ATP8B1: variants seen among roughly 807,000 people sequenced by gnomAD.
The protein encoded by ATP8B1 is phospholipid-transporting ATPase IC.
A neutral mutation model predicts 149.9 loss-of-function variants in ATP8B1; 80 were observed. The observed-to-expected ratio is 0.53, with a 90% CI of 0.45 to 0.64. ATP8B1 has a LOEUF of 0.64. ATP8B1 is among the 30% of genes least tolerant of loss of function. The pLI, the probability that ATP8B1 is intolerant of heterozygous loss-of-function variation, is 0.00. For missense variants in ATP8B1, 1,247 were observed against 1,552.6 expected (o/e 0.80, Z 3.31); for synonymous variants, 536 against 562.8 (o/e 0.95, Z 0.67).
At chr18:57,754,464 T>A (rs934832332) in intron 1 of ATP8B1, among the ~76,000 whole-genome samples, 6 of 150,962 alleles carry the variant, frequency 4.0e-5, no homozygotes, top group East Asian at 1.9e-4. Context: ...ATATATATAT[T>A]ATGAAGTAAT....
chr18:57,668,714 T>C (rs751280826), intron 18 of ATP8B1, 174 bp from the exon 19 acceptor site: 10 of 574,710 alleles, frequency 1.7e-5, no homozygotes, highest in African/African-American at 1.7e-4. Context: ...TCACAATTAC[T>C]GCAAACCAAC....
chr18:57,672,995 G>GTATA lies in ATP8B1; in HGVS notation c.1820-1419_1820-1416dup, dbSNP rs57894241. ...TATATACACACATATATAAATACAT[G>GTATA]TATATATAAATATACATATATAAAT... On this transcript the variant is annotated intron_variant, in intron 16 of 27. Transcript: ENST00000648908. Among the ~76,000 whole-genome samples the GTATA allele has an allele frequency of 1.5e-4, 15 of 98,462 alleles. 2 individuals carry two copies. Among genetic ancestry groups the GTATA allele is most frequent in the East Asian group, 5.5e-4 (2 of 3,606 alleles). 64.6% of individuals were successfully genotyped at this position (98,462 alleles called of 152,430 possible).
chr18:57,798,840 G>A (rs923953174), intron 1 of ATP8B1, among the ~76,000 whole-genome samples: 5 of 104,380 alleles, frequency 4.8e-5, no homozygotes, highest in African/African-American at 1.1e-4. Flanking sequence ...AGTGTAGATC[G>A]GAGACTTAGA....
chr18:57,736,860 T>C (rs1272324238), intron 1 of ATP8B1, among the ~76,000 whole-genome samples: 4 of 152,172 alleles, frequency 2.6e-5, no homozygotes, highest in Non-Finnish European at 5.9e-5. Flanking sequence ...TTCTGTTCCA[T>C]TGGTTTATGT....
chr18:57,684,981 A>T, intron 14 of ATP8B1, 91 bp downstream of exon 14: 1 of 1,500,066 alleles, frequency 6.7e-7, no homozygotes, highest in East Asian at 2.3e-5. Flanking sequence ...GCAACGAAAG[A>T]GTCTTCCCTA....
At chr18:57,757,468 C>G (rs1236332695) in intron 1 of ATP8B1, among the ~76,000 whole-genome samples, 2 of 152,154 alleles carry the variant, frequency 1.3e-5, no homozygotes, top group East Asian at 3.8e-4. Context: ...GCTTCTTGGT[C>G]CTGGTCCTTT....
Position 57,713,728 on chromosome 18 carries a change from G to A in ATP8B1, c.182-7141C>T, listed in dbSNP as rs911264076. Reference sequence around the variant, plus strand: ...CAGTCTTGAACTCCTGACCTCAAGTGTTCCACCCACCTTGACCTCCCAACA... The same window carrying A: ...CAGTCTTGAACTCCTGACCTCAAGTATTCCACCCACCTTGACCTCCCAACA... On this transcript the variant is annotated intron_variant, in intron 2 of 27. Transcript: ENST00000648908. Among the ~76,000 whole-genome samples, 3 of 152,114 alleles carry A rather than the reference G, an allele frequency of 2.0e-5. No individual in the cohort carries two copies. The South Asian group carries it at 6.2e-4, about 32-fold the overall frequency.
intron 1 of ATP8B1, among the ~76,000 whole-genome samples, chr18:57,767,112 A>G (rs781265392): frequency 2.0e-5 from 3 of 152,186 alleles, no homozygotes; most frequent in Non-Finnish European, 2.9e-5. Flanking sequence ...TTGGAATCCT[A>G]CAGTTTATCC....
intron 1 of ATP8B1, among the ~76,000 whole-genome samples, chr18:57,795,326 C>T (rs1473676345): frequency 6.6e-6 from 1 of 151,562 alleles, no homozygotes; most frequent in Non-Finnish European, 1.5e-5. Context: ...TGGCTTGAGC[C>T]CAGGAGTTCA....
intron 1 of ATP8B1, among the ~76,000 whole-genome samples, chr18:57,794,752 T>C (rs1384852875): frequency 1.3e-5 from 2 of 150,368 alleles, no homozygotes; most frequent in East Asian, 2.0e-4. Flanking sequence ...GATTGCACCA[T>C]TGCACTCCAG....
At chr18:57,800,350 A>T (rs8091381) in intron 1 of ATP8B1, among the ~76,000 whole-genome samples, 46,110 of 151,976 alleles carry the variant, frequency 0.3, 7,381 homozygotes, top group African/African-American at 0.39. Flanking sequence ...TTTATAAAAA[A>T]TTTTAAAAAA....
intron 2 of ATP8B1, among the ~76,000 whole-genome samples, chr18:57,719,573 T>A (rs1422655639): frequency 1.3e-5 from 2 of 152,138 alleles, no homozygotes; most frequent in African/African-American, 2.4e-5. Context: ...ACGGCGCACC[T>A]AGAGACTATA....
intron 1 of ATP8B1, among the ~76,000 whole-genome samples, chr18:57,764,245 G>GCCTTCCTTCCTTCCTTCTTT (rs1555654755): frequency 8.4e-4 from 127 of 151,884 alleles, no homozygotes; most frequent in Non-Finnish European, 1.2e-3. Context: ...CAGGGAGCCT[G>GCCTTCCTTCCTTCCTTCTTT]CCTTCCTTCC....
intron 16 of ATP8B1, among the ~76,000 whole-genome samples, chr18:57,672,899 T>C (rs1201170764): frequency 2.6e-5 from 1 of 38,784 alleles, no homozygotes; most frequent in African/African-American, 1.0e-4. Flanking sequence ...TATATATATA[T>C]ATATATATAT....
intron 1 of ATP8B1, among the ~76,000 whole-genome samples, chr18:57,746,897 G>A (rs2079969407): frequency 6.6e-6 from 1 of 152,210 alleles, no homozygotes; most frequent in Admixed American, 6.5e-5. Flanking sequence ...GAGCTCAGAA[G>A]GGATGGTTTG....
At chr18:57,733,575 G>A (rs900432136) in intron 1 of ATP8B1, among the ~76,000 whole-genome samples, 21 of 151,978 alleles carry the variant, frequency 1.4e-4, no homozygotes, top group Non-Finnish European at 2.8e-4. Context: ...ACGTGGTAGC[G>A]GGCACCTGTA....
intron 12 of ATP8B1, among the ~76,000 whole-genome samples, chr18:57,690,873 T>G: frequency 6.6e-6 from 1 of 152,060 alleles, no homozygotes; most frequent in East Asian, 1.9e-4. Context: ...GCAGTGAACT[T>G]TCATATTAAA....
chr18:57,684,504 C>T (rs993529741), intron 14 of ATP8B1, among the ~76,000 whole-genome samples: 27 of 152,152 alleles, frequency 1.8e-4, no homozygotes, highest in Admixed American at 3.3e-4. Flanking sequence ...GATGGGCCTA[C>T]GGGCATGCAC....
chr18:57,790,779 G>A (rs1469400815), intron 1 of ATP8B1, among the ~76,000 whole-genome samples: 2 of 152,000 alleles, frequency 1.3e-5, no homozygotes, highest in Non-Finnish European at 2.9e-5. Context: ...GAAGTGCAGT[G>A]GTGCGATCTC....
Sources: allele counts gnomAD v4.1 joint callset (sites outside exome capture counted in the v4.1 genomes callset), GRCh38; gene constraint gnomAD v4.1.1; transcripts MANE v1.5; gene names NCBI Gene and HGNC (gene_info 2026-07-23, HGNC 2026-07-21).